CDK6: variants seen among roughly 807,000 people sequenced by gnomAD.
The protein encoded by CDK6 is cyclin-dependent kinase 6.
CDK6 carries 6 observed loss-of-function variants against 37.1 expected under a neutral mutation model. The observed-to-expected ratio is 0.16, with a 90% CI of 0.09 to 0.32. CDK6 has a LOEUF of 0.32. Ranked by LOEUF, CDK6 falls within the 10% of genes least tolerant of loss-of-function variation. The probability of loss-of-function intolerance (pLI) is 1.00; values close to 1 mark genes in which losing one functional copy is unlikely to be tolerated. For missense variants in CDK6, 224 were observed against 418.9 expected, an observed-to-expected ratio of 0.53 and a Z score of 4.06; for synonymous variants, 160 against 161.3, an observed-to-expected ratio of 0.99 and a Z score of 0.06.
At chr7:92,681,878 T>C (rs1278035882) in intron 4 of CDK6, among the ~76,000 whole-genome samples, 1 of 152,240 alleles carries the variant, frequency 6.6e-6, no homozygotes, top group Non-Finnish European at 1.5e-5. Context: ...CTGCAGTCTC[T>C]GACCCACAAA....
At chr7:92,782,718 C>T (rs1041518394) in intron 2 of CDK6, among the ~76,000 whole-genome samples, 4 of 152,168 alleles carry the variant, frequency 2.6e-5, no homozygotes, top group Non-Finnish European at 4.4e-5. Context: ...TGTGTTTGAT[C>T]TACCCCTGGA....
chr7:92,698,454 C>T (rs1265906655), intron 4 of CDK6, among the ~76,000 whole-genome samples: 1 of 152,076 alleles, frequency 6.6e-6, no homozygotes, highest in Non-Finnish European at 1.5e-5. Flanking sequence ...TTTTTTTTCC[C>T]CCAGTACACT....
intron 5 of CDK6, among the ~76,000 whole-genome samples, chr7:92,666,685 G>A (rs565284186): frequency 1.1e-4 from 16 of 152,242 alleles, no homozygotes; most frequent in Admixed American, 6.5e-4. Context: ...CCATCTTAAC[G>A]TTATTGTAGT....
In CDK6 at chr7:92,613,006, A is replaced by G. The variant is rs1795596329; in HGVS notation, c.*2134T>C. ...TGACCTTGAATGCTGTGGATTCATTATATCTCAAGCATTTATAGTACTGAC... is the reference window on the plus strand; with the variant it reads ...TGACCTTGAATGCTGTGGATTCATTGTATCTCAAGCATTTATAGTACTGAC... On this transcript the variant is annotated 3_prime_UTR_variant, in exon 8 of 8. Coordinates refer to ENST00000424848, the MANE Select transcript of CDK6 (RefSeq NM_001145306.2). 2 of 233,134 alleles carry G rather than the reference A, an allele frequency of 8.6e-6. No individual in the cohort carries two copies. Among genetic ancestry groups the G allele is most frequent in the South Asian group, 1.8e-4 (1 of 5,530 alleles). 14.4% of individuals were successfully genotyped at this position (233,134 alleles called of 1,614,324 possible).
intron 3 of CDK6, among the ~76,000 whole-genome samples, chr7:92,770,907 G>A (rs1189630331): frequency 6.6e-6 from 1 of 151,956 alleles, no homozygotes; most frequent in Non-Finnish European, 1.5e-5. Flanking sequence ...CTTAGATGAG[G>A]TCTTGTTTTG....
rs1317768802 is a variant in CDK6, at chr7:92,789,772, A to G, written c.234-14941T>C. Reference sequence around the variant, plus strand: ...TATTGAATCCTTTCAATATCCTTATAAAGTATATACTATTACTCTCATTTT... The same window carrying G: ...TATTGAATCCTTTCAATATCCTTATGAAGTATATACTATTACTCTCATTTT... On this transcript the variant is annotated intron_variant, in intron 2 of 7. Transcript: ENST00000424848. Among the ~76,000 whole-genome samples the G allele has an allele frequency of 3.3e-5, 5 of 152,236 alleles. No homozygotes were observed. The South Asian group carries it at 6.2e-4, about 19-fold the overall frequency.
intron 3 of CDK6, among the ~76,000 whole-genome samples, chr7:92,761,204 T>C (rs888654766): frequency 2.0e-5 from 3 of 152,136 alleles, no homozygotes; most frequent in African/African-American, 7.2e-5. Flanking sequence ...TATTTTCTAC[T>C]GTTTCGCACT....
At chr7:92,784,213 T>C (rs900123543) in intron 2 of CDK6, among the ~76,000 whole-genome samples, 1 of 152,170 alleles carries the variant, frequency 6.6e-6, no homozygotes, top group Non-Finnish European at 1.5e-5. Context: ...ACTAACCATG[T>C]GGATCATTAT....
rs189817663 is a variant in CDK6 at position 92,743,342 on chromosome 7, C to T, written c.370-17549G>A. Among the ~76,000 whole-genome samples, 15 of 151,350 alleles carry T rather than the reference C, an allele frequency of 9.9e-5. 1 individual carries two copies. The East Asian group carries it at 2.9e-3, about 30-fold the overall frequency. On this transcript the variant is annotated intron_variant, in intron 3 of 7. Coordinates refer to ENST00000424848, the MANE Select transcript of CDK6 (RefSeq NM_001145306.2). ...CATGAGCCAAGATCATGGCATTGCA[C>T]TCCAGCCTGGGTGACAAAAGCGAAA...
intron 5 of CDK6, among the ~76,000 whole-genome samples, chr7:92,647,013 C>A (rs1054108248): frequency 6.6e-6 from 1 of 152,194 alleles, no homozygotes; most frequent in Non-Finnish European, 1.5e-5. Context: ...CATGGGAAAA[C>A]TGTTTTGAAA....
In CDK6 at chr7:92,830,698, A is replaced by T. The variant is rs146225318; in HGVS notation, c.233+2393T>A. ...AATGGTTGTTTCAAGGCAGAGGCAG[A>T]AGAGAAGAAACAGGAAGGAAACAAA... is the stretch of plus-strand genomic sequence containing the variant. On this transcript the variant is annotated intron_variant, in intron 2 of 7. Transcript: ENST00000424848. Among the ~76,000 whole-genome samples, 16 of 152,346 alleles carry T rather than the reference A, an allele frequency of 1.1e-4. No homozygotes were observed. The East Asian group carries it at 3.1e-3, about 29-fold the overall frequency.
intron 4 of CDK6, among the ~76,000 whole-genome samples, chr7:92,723,325 G>T (rs1798411466): frequency 6.6e-6 from 1 of 152,184 alleles, no homozygotes; most frequent in South Asian, 2.1e-4. Context: ...ATAGTTTTAA[G>T]ATGTCAGTTT....
chr7:92,832,495 A>C (rs907335555), intron 2 of CDK6, among the ~76,000 whole-genome samples: 2 of 152,264 alleles, frequency 1.3e-5, no homozygotes, highest in Non-Finnish European at 2.9e-5. Context: ...GAGATTGGGC[A>C]TCAGCACTCA....
At chr7:92,750,719 C>T (rs1799168717) in intron 3 of CDK6, among the ~76,000 whole-genome samples, 1 of 152,178 alleles carries the variant, frequency 6.6e-6, no homozygotes, top group East Asian at 1.9e-4. Flanking sequence ...AATGACCTGA[C>T]AGAACAACTG....
At chr7:92,804,863 CA>C (rs1385488382) in intron 2 of CDK6, among the ~76,000 whole-genome samples, 1 of 152,098 alleles carries the variant, frequency 6.6e-6, no homozygotes. Context: ...TTGTGATAAA[CA>C]AAATGTGTTC....
At chr7:92,826,241 G>C (rs1273061921) in intron 2 of CDK6, among the ~76,000 whole-genome samples, 1 of 152,124 alleles carries the variant, frequency 6.6e-6, no homozygotes, top group Non-Finnish European at 1.5e-5. Flanking sequence ...GGGTGTGAAA[G>C]AGTAGAGAGT....
At chr7:92,791,197 G>A (rs1196649376) in intron 2 of CDK6, among the ~76,000 whole-genome samples, 2 of 152,072 alleles carry the variant, frequency 1.3e-5, no homozygotes, top group Non-Finnish European at 2.9e-5. Flanking sequence ...GATGGGGAAG[G>A]AGAAGCCAAG....
chr7:92,786,842 A>T (rs905420721), intron 2 of CDK6, among the ~76,000 whole-genome samples: 1 of 152,042 alleles, frequency 6.6e-6, no homozygotes, highest in Non-Finnish European at 1.5e-5. Context: ...GTTTCAAAAG[A>T]GTGTGTACAG....
chr7:92,708,861 A>G (rs1464825425), intron 4 of CDK6, among the ~76,000 whole-genome samples: 1 of 152,216 alleles, frequency 6.6e-6, no homozygotes, highest in African/African-American at 2.4e-5. Flanking sequence ...CATATTCAAT[A>G]CCACTGCCAG....
Sources: gnomAD v4.1 joint callset for allele counts (sites outside exome capture counted in the v4.1 genomes callset) on GRCh38, gnomAD v4.1.1 for gene constraint, MANE v1.5 for transcripts, NCBI Gene and HGNC (gene_info 2026-07-23, HGNC 2026-07-21) for gene names.